Variants in HS6ST3 observed in about 807,000 individuals in gnomAD.
HS6ST3 encodes heparan-sulfate 6-O-sulfotransferase 3.
Under a neutral mutation model 36.7 loss-of-function variants are expected in HS6ST3, and 12 were observed. The observed-to-expected ratio is 0.33, with a 90% CI of 0.21 to 0.53. HS6ST3 has a LOEUF of 0.53. HS6ST3 is among the 20% of genes least tolerant of loss of function. The pLI is 0.95. For missense variants in HS6ST3, 584 were observed against 640.9 expected, an observed-to-expected ratio of 0.91 and a Z score of 0.96; for synonymous variants, 240 against 257.5, an observed-to-expected ratio of 0.93 and a Z score of 0.65.
intron 1 of HS6ST3, among the ~76,000 whole-genome samples, chr13:96,615,490 A>G (rs2784475): frequency 0.85 from 128,572 of 152,118 alleles, 54,667 homozygotes; most frequent in South Asian, 0.91. Context: ...GTTTTAATCA[A>G]TCTTGGCCCA....
chr13:96,657,987 T>A (rs2056631512), intron 1 of HS6ST3, among the ~76,000 whole-genome samples: 1 of 152,110 alleles, frequency 6.6e-6, no homozygotes, highest in African/African-American at 2.4e-5. Context: ...CACATCAAAA[T>A]CTAGAACAAT....
chr13:96,649,695 C>T (rs973031229), intron 1 of HS6ST3, among the ~76,000 whole-genome samples: 2 of 152,032 alleles, frequency 1.3e-5, no homozygotes, highest in African/African-American at 2.4e-5. Flanking sequence ...ATGGTAGAAG[C>T]TGCTCAAGAG....
chr13:96,786,754 A>T (rs915828390), intron 1 of HS6ST3, among the ~76,000 whole-genome samples: 2 of 152,154 alleles, frequency 1.3e-5, no homozygotes, highest in African/African-American at 4.8e-5. Flanking sequence ...ATATAGTCAA[A>T]TTGACCTTTT....
At chr13:96,634,887 C>T (rs1224345381) in intron 1 of HS6ST3, among the ~76,000 whole-genome samples, 1 of 151,878 alleles carries the variant, frequency 6.6e-6, no homozygotes, top group African/African-American at 2.4e-5. Flanking sequence ...AAGTTTGAGT[C>T]ATTAGGTTTA....
chr13:96,616,960 C>T (rs1350505266), intron 1 of HS6ST3, among the ~76,000 whole-genome samples: 1 of 152,150 alleles, frequency 6.6e-6, no homozygotes, highest in African/African-American at 2.4e-5. Context: ...GTTAAAAGGT[C>T]ATCTCTTCTT....
chr13:96,694,978 G>A (rs1310356716), intron 1 of HS6ST3, among the ~76,000 whole-genome samples: 2 of 152,058 alleles, frequency 1.3e-5, no homozygotes, highest in East Asian at 1.9e-4. Flanking sequence ...AAAACTTTTG[G>A]TCAAAAGTCC....
At chr13:96,551,448 G>C (rs2056219074) in intron 1 of HS6ST3, among the ~76,000 whole-genome samples, 1 of 152,274 alleles carries the variant, frequency 6.6e-6, no homozygotes, top group Non-Finnish European at 1.5e-5. Context: ...TTGAGAAACT[G>C]TCATTGGCAG....
intron 1 of HS6ST3, among the ~76,000 whole-genome samples, chr13:96,307,337 A>C (rs1290649738): frequency 6.6e-6 from 1 of 152,202 alleles, no homozygotes; most frequent in Non-Finnish European, 1.5e-5. Context: ...ATTTCTGCAA[A>C]CAATGAGAAT....
intron 1 of HS6ST3, among the ~76,000 whole-genome samples, chr13:96,532,070 G>T (rs957425005): frequency 6.6e-6 from 1 of 152,118 alleles, no homozygotes; most frequent in African/African-American, 2.4e-5. Context: ...CCCCAGCAAG[G>T]GAAAGGCCCA....
intron 1 of HS6ST3, among the ~76,000 whole-genome samples, chr13:96,166,526 C>T (rs1259457314): frequency 6.7e-6 from 1 of 149,968 alleles, no homozygotes. Flanking sequence ...TTAATATAGT[C>T]TAGATTTTAT....
At chr13:96,224,367 C>G (rs1323224077) in intron 1 of HS6ST3, among the ~76,000 whole-genome samples, 1 of 152,054 alleles carries the variant, frequency 6.6e-6, no homozygotes, top group African/African-American at 2.4e-5. Context: ...GTCTGCTAGG[C>G]TGGGGTGCAG....
At chr13:96,582,806 G>A (rs1447109458) in intron 1 of HS6ST3, among the ~76,000 whole-genome samples, 1 of 151,904 alleles carries the variant, frequency 6.6e-6, no homozygotes, top group African/African-American at 2.4e-5. Flanking sequence ...GCATATATTT[G>A]TCCATTCATG....
chr13:96,646,931 A>T, intron 1 of HS6ST3, among the ~76,000 whole-genome samples: 1 of 151,984 alleles, frequency 6.6e-6, no homozygotes, highest in East Asian at 1.9e-4. Flanking sequence ...GGCTCTTCTA[A>T]GATCTAGGGC....
intron 1 of HS6ST3, among the ~76,000 whole-genome samples, chr13:96,545,824 A>T (rs201947871): frequency 6.6e-6 from 1 of 152,176 alleles, no homozygotes; most frequent in African/African-American, 2.4e-5. Context: ...CCATCCACAG[A>T]TATTAAGAAG....
At chr13:96,094,867 G>C (rs938375589) in intron 1 of HS6ST3, among the ~76,000 whole-genome samples, 1 of 152,062 alleles carries the variant, frequency 6.6e-6, no homozygotes, top group East Asian at 1.9e-4. Flanking sequence ...CATTATTTTT[G>C]TGTTGCTTTT....
chr13:96,549,437 A>G (rs1172126647), intron 1 of HS6ST3, among the ~76,000 whole-genome samples: 3 of 152,144 alleles, frequency 2.0e-5, no homozygotes, highest in African/African-American at 7.2e-5. Flanking sequence ...GGAATATTAA[A>G]TCCTCATTAT....
At chr13:96,701,947 G>T (rs1875299952) in intron 1 of HS6ST3, among the ~76,000 whole-genome samples, 1 of 152,152 alleles carries the variant, frequency 6.6e-6, no homozygotes, top group Admixed American at 6.5e-5. Context: ...AGATGACAGA[G>T]TGAGACCAAA....
intron 1 of HS6ST3, among the ~76,000 whole-genome samples, chr13:96,103,089 T>A (rs1225427744): frequency 6.6e-6 from 1 of 152,192 alleles, no homozygotes; most frequent in Non-Finnish European, 1.5e-5. Context: ...CGGTTTTCCC[T>A]AACCATTTAC....
intron 1 of HS6ST3, among the ~76,000 whole-genome samples, chr13:96,434,010 A>G (rs1403140295): frequency 4.6e-5 from 7 of 152,196 alleles, no homozygotes; most frequent in African/African-American, 1.7e-4. Context: ...CAGCATGAGA[A>G]CAGACTAATA....
Sources: gnomAD v4.1 joint callset for allele counts (sites outside exome capture counted in the v4.1 genomes callset) on GRCh38, gnomAD v4.1.1 for gene constraint, MANE v1.5 for transcripts, NCBI Gene and HGNC (gene_info 2026-07-23, HGNC 2026-07-21) for gene names.